SKAP2: variants seen among roughly 807,000 people sequenced by gnomAD.
SKAP2 encodes src kinase associated phosphoprotein 2.
Under a neutral mutation model 54.9 loss-of-function variants are expected in SKAP2, and 28 were observed. The observed-to-expected ratio is 0.51, with a 90% CI of 0.38 to 0.70. SKAP2 has a LOEUF of 0.70. SKAP2 is among the 30% of genes least tolerant of loss of function. The pLI, the probability that SKAP2 is intolerant of heterozygous loss-of-function variation, is 0.00. For missense variants in SKAP2, 356 were observed against 424.1 expected (o/e 0.84, Z 1.41); for synonymous variants, 137 against 134.3 (o/e 1.02, Z -0.14).
chr7:26,712,755 C>T (rs1787337755), intron 9 of SKAP2, among the ~76,000 whole-genome samples: 1 of 152,308 alleles, frequency 6.6e-6, no homozygotes, highest in South Asian at 2.1e-4. Flanking sequence ...TAATTATCAT[C>T]ATATCTTCTA....
the SKAP2 span, among the ~76,000 whole-genome samples, chr7:26,656,442 T>A: frequency 6.6e-6 from 1 of 152,266 alleles, no homozygotes; most frequent in South Asian, 2.1e-4. Context: ...TCCACTGTTA[T>A]ACTGTTTCCA....
chr7:26,697,655 T>C (rs1212851585), intron 9 of SKAP2, among the ~76,000 whole-genome samples: 1 of 152,134 alleles, frequency 6.6e-6, no homozygotes, highest in East Asian at 1.9e-4. Flanking sequence ...ATTTTTTTTT[T>C]CATTTAAAGT....
intron 3 of SKAP2, among the ~76,000 whole-genome samples, chr7:26,846,239 T>C (rs181264332): frequency 9.2e-4 from 140 of 152,252 alleles, no homozygotes; most frequent in Admixed American, 3.5e-3. Flanking sequence ...GCATGTGGCA[T>C]ATTTTGCTAT....
In SKAP2 at chr7:26,669,450, A is replaced by G. The variant is rs1786183635; in HGVS notation, c.*216T>C. On this transcript the variant is annotated 3_prime_UTR_variant, in exon 13 of 13. Transcript: ENST00000345317. ...ATTTCTTTGCAAAATAGCAACAGGT[A>G]TAACTTAACTGGTTGCATCTAATTT... The G allele has an allele frequency of 6.6e-6, 1 of 152,194 alleles. No homozygotes were observed. Among genetic ancestry groups the G allele is most frequent in the Admixed American group, 6.5e-5 (1 of 15,272 alleles). The allele number at this position is 152,194 out of a possible 1,614,324, so 9.4% of individuals were successfully genotyped here. A position where few individuals can be genotyped will look rare whatever the true frequency, so the allele number is the denominator to read the frequency against.
chr7:26,780,512 G>A (rs182369887), intron 4 of SKAP2, among the ~76,000 whole-genome samples: 4 of 152,108 alleles, frequency 2.6e-5, no homozygotes, highest in East Asian at 1.9e-4. Flanking sequence ...CAGATAATAC[G>A]TAATGAATGA....
At chr7:26,727,233 G>A (rs60865991) in intron 6 of SKAP2, among the ~76,000 whole-genome samples, 2,422 of 152,040 alleles carry the variant, frequency 0.016, 63 homozygotes, top group African/African-American at 0.055. Context: ...GGTCTTATTT[G>A]GAAGGAAGTA....
chr7:26,828,103 C>T lies in SKAP2; in HGVS notation c.307+15927G>A, dbSNP rs1397075089. On this transcript the variant is annotated intron_variant, in intron 4 of 12. Transcript: ENST00000345317. ...GATCACAGCACCCCTTAGATCCCACCGCTATAACTATGTATTGACAAAGCC... is the reference window on the plus strand; with the variant it reads ...GATCACAGCACCCCTTAGATCCCACTGCTATAACTATGTATTGACAAAGCC... Among the ~76,000 whole-genome samples, 7 of 152,210 alleles carry T rather than the reference C, an allele frequency of 4.6e-5. No homozygotes were observed. The East Asian group carries it at 7.7e-4, about 17-fold the overall frequency.
intron 11 of SKAP2, among the ~76,000 whole-genome samples, chr7:26,675,344 C>T (rs1209440444): frequency 6.6e-6 from 1 of 152,198 alleles, no homozygotes; most frequent in Non-Finnish European, 1.5e-5. Context: ...TCTCCCTCAG[C>T]CAAATCCTGT....
intron 4 of SKAP2, among the ~76,000 whole-genome samples, chr7:26,762,823 CT>C (rs1782962469): frequency 6.6e-6 from 1 of 152,062 alleles, no homozygotes; most frequent in South Asian, 2.1e-4. Flanking sequence ...TTTCAAAAAC[CT>C]TTCAGACTCT....
intron 9 of SKAP2, among the ~76,000 whole-genome samples, chr7:26,716,832 A>G (rs1218528142): frequency 6.6e-6 from 1 of 152,242 alleles, no homozygotes; most frequent in Non-Finnish European, 1.5e-5. Context: ...AACATCTGGC[A>G]TGCTTTCACT....
chr7:26,766,952 G>C (rs1192341332), intron 4 of SKAP2, among the ~76,000 whole-genome samples: 2 of 152,160 alleles, frequency 1.3e-5, no homozygotes, highest in Non-Finnish European at 2.9e-5. Flanking sequence ...GTCTCTGTCA[G>C]GTTTTGGTAT....
Position 26,844,576 on chromosome 7 carries a change from AATT to A in SKAP2, c.200-442_200-440del, listed in dbSNP as rs1290413463. 3.9e-5 allele frequency among the ~76,000 whole-genome samples: 6 copies of A among 152,286 alleles called. No homozygotes were observed. The East Asian group carries it at 1.2e-3, about 29-fold the overall frequency. ...CATTTACCTATTCAATAATTTGAAAAATTATGATGAGAAACTAATAATTTGAAG... is the reference window on the plus strand; with the variant it reads ...CATTTACCTATTCAATAATTTGAAAAATGATGAGAAACTAATAATTTGAAG... On this transcript the variant is annotated intron_variant, in intron 3 of 12. Transcript: ENST00000345317.
Position 26,854,767 on chromosome 7 carries a change from A to G in SKAP2, c.173+18T>C. The G allele has an allele frequency of 6.4e-7, 1 of 1,574,098 alleles. No homozygotes were observed. On this transcript the variant is annotated intron_variant, in intron 2 of 12. Transcript: ENST00000345317. ...GCTTCTATGTAAGAAATCAGTAAACAAAAGGTAAGTGACTTACATAGACTT... is the reference window on the plus strand; with the variant it reads ...GCTTCTATGTAAGAAATCAGTAAACGAAAGGTAAGTGACTTACATAGACTT...
intron 4 of SKAP2, among the ~76,000 whole-genome samples, chr7:26,804,713 TG>T (rs374196449): frequency 7.0e-6 from 1 of 142,616 alleles, no homozygotes; most frequent in Admixed American, 7.3e-5. Context: ...CACTCCAGCC[TG>T]GGTGACAGAG....
intron 1 of SKAP2, among the ~76,000 whole-genome samples, chr7:26,864,055 T>TCACACACACACACACACACACACACACA: frequency 1.4e-5 from 2 of 143,438 alleles, no homozygotes; most frequent in East Asian, 4.1e-4. Flanking sequence ...CGCCCTTCTG[T>TCACACACACACACACACACACACACACA]CACACACACA....
Position 26,854,075 on chromosome 7 carries a change from ATCCTATTGAAAATT to A in SKAP2, c.199+48_199+61del. 2.8e-6 allele frequency: 3 copies of A among 1,087,432 alleles called. No individual in the cohort carries two copies. In the South Asian group the frequency reaches 4.2e-5, roughly 15 times the overall value. 67.4% of individuals were successfully genotyped at this position (1,087,432 alleles called of 1,614,324 possible). A position where few individuals can be genotyped will look rare whatever the true frequency, so the allele number is the denominator to read the frequency against. On this transcript the variant is annotated intron_variant, in intron 3 of 12. Transcript: ENST00000345317. ...ATCAAATTTCAGTATGTGTTAGATTATCCTATTGAAAATTTCCACAGAGGAAAAAAATTTTCAAG... is the reference window on the plus strand; with the variant it reads ...ATCAAATTTCAGTATGTGTTAGATTATCCACAGAGGAAAAAAATTTTCAAG...
chr7:26,850,894 T>C lies in SKAP2; in HGVS notation c.199+3243A>G, dbSNP rs77838940. On this transcript the variant is annotated intron_variant, in intron 3 of 12. Coordinates refer to ENST00000345317, the MANE Select transcript of SKAP2 (RefSeq NM_003930.5). ...ACATGTAAAGATAAAAGAAGAATTT[T>C]AATAAATGAAAAAGAAAGTTTTAAA... is the stretch of plus-strand genomic sequence containing the variant. 8.5e-4 allele frequency among the ~76,000 whole-genome samples: 130 copies of C among 152,236 alleles called. 2 individuals are homozygous for C. The highest frequency in any genetic ancestry group is 1.7e-3 in the Non-Finnish European group (113 of 68,004).
chr7:26,771,516 T>C (rs1457253537), intron 4 of SKAP2, among the ~76,000 whole-genome samples: 1 of 152,234 alleles, frequency 6.6e-6, no homozygotes, highest in Non-Finnish European at 1.5e-5. Flanking sequence ...TGCATATGTA[T>C]ATTTTATATA....
chr7:26,817,624 T>C (rs1280125166), intron 4 of SKAP2, among the ~76,000 whole-genome samples: 4 of 151,986 alleles, frequency 2.6e-5, no homozygotes, highest in Admixed American at 2.0e-4. Context: ...ATGACACAGG[T>C]TTATTTCTTT....
Sources: allele counts gnomAD v4.1 joint callset (sites outside exome capture counted in the v4.1 genomes callset), GRCh38; gene constraint gnomAD v4.1.1; transcripts MANE v1.5; gene names NCBI Gene and HGNC (gene_info 2026-07-23, HGNC 2026-07-21).